The following AKAP19 variants were observed in gnomAD, a reference collection of about 807,000 sequenced individuals.
The protein encoded by AKAP19 is small A-kinase anchoring protein.
chr2:189,912,622 A>G, the AKAP19 span, among the ~76,000 whole-genome samples: 12 of 152,234 alleles, frequency 7.9e-5, no homozygotes, highest in Admixed American at 2.6e-4. Flanking sequence ...ACTTTTGTTT[A>G]TATAAACAAC....
At chr2:190,074,398 A>G in the AKAP19 span, among the ~76,000 whole-genome samples, 1 of 152,180 alleles carries the variant, frequency 6.6e-6, no homozygotes, top group Non-Finnish European at 1.5e-5. Flanking sequence ...CACACCTGTA[A>G]TCCCAGCACT....
chr2:190,044,843 G>T, the AKAP19 span, among the ~76,000 whole-genome samples: 1 of 152,188 alleles, frequency 6.6e-6, no homozygotes, highest in Non-Finnish European at 1.5e-5. Context: ...CTTTGTCCCA[G>T]GGAGGTACAG....
the AKAP19 span, among the ~76,000 whole-genome samples, chr2:189,960,567 C>G: frequency 6.6e-6 from 1 of 152,168 alleles, no homozygotes; most frequent in African/African-American, 2.4e-5. Context: ...AGTGACTCTA[C>G]CCCTTGAAAG....
chr2:190,109,310 T>A, the AKAP19 span, among the ~76,000 whole-genome samples: 42 of 152,328 alleles, frequency 2.8e-4, no homozygotes, highest in East Asian at 7.7e-3. Context: ...AACATTACAA[T>A]GCCTGCAGCC....
At chr2:190,132,931 C>A in the AKAP19 span, among the ~76,000 whole-genome samples, 525 of 152,056 alleles carry the variant, frequency 3.5e-3, 3 homozygotes, top group African/African-American at 0.012. Flanking sequence ...TCAAACAATT[C>A]AATAGCAAGA....
chr2:190,200,249 T>A, the AKAP19 span: 1 of 918,644 alleles, frequency 1.1e-6, no homozygotes, highest in Non-Finnish European at 1.7e-6. Flanking sequence ...TATCTGGATT[T>A]AAAAATGTGT....
chr2:190,119,857 A>G, the AKAP19 span, among the ~76,000 whole-genome samples: 1 of 152,240 alleles, frequency 6.6e-6, no homozygotes, highest in Admixed American at 6.5e-5. Flanking sequence ...GTAATGCTGG[A>G]AATGAAATGC....
the AKAP19 span, among the ~76,000 whole-genome samples, chr2:190,148,479 T>C: frequency 6.6e-6 from 1 of 152,220 alleles, no homozygotes; most frequent in East Asian, 1.9e-4. Context: ...TTTTTGGTTA[T>C]GTCCTTTCCT....
the AKAP19 span, among the ~76,000 whole-genome samples, chr2:190,008,128 A>G: frequency 1.3e-5 from 2 of 152,254 alleles, no homozygotes; most frequent in Non-Finnish European, 2.9e-5. Flanking sequence ...ACTTTTTAAA[A>G]TGTAACTGAA....
At chr2:190,095,880 CAGGT>C in the AKAP19 span, among the ~76,000 whole-genome samples, 1 of 152,046 alleles carries the variant, frequency 6.6e-6, no homozygotes. Context: ...GTCTACAAGA[CAGGT>C]AGGTGAGAAG....
At chr2:190,080,374 G>A in the AKAP19 span, among the ~76,000 whole-genome samples, 1 of 152,222 alleles carries the variant, frequency 6.6e-6, no homozygotes, top group African/African-American at 2.4e-5. Flanking sequence ...ATAGAAGGTG[G>A]TAAGTGCTCT....
the AKAP19 span, among the ~76,000 whole-genome samples, chr2:189,961,539 AT>A: frequency 2.0e-5 from 3 of 152,274 alleles, no homozygotes; most frequent in East Asian, 5.8e-4. Context: ...TAAAACATAT[AT>A]TTTATAGGTC....
chr2:190,111,636 C>T, the AKAP19 span, among the ~76,000 whole-genome samples: 2 of 151,988 alleles, frequency 1.3e-5, no homozygotes, highest in Admixed American at 1.3e-4. Context: ...TAATAAGCCT[C>T]CCTGCCTTAA....
chr2:190,134,353 A>G, the AKAP19 span, among the ~76,000 whole-genome samples: 1 of 152,208 alleles, frequency 6.6e-6, no homozygotes, highest in African/African-American at 2.4e-5. Flanking sequence ...TAGCTTTAAA[A>G]TAAACTATAC....
chr2:190,060,212 G>T, the AKAP19 span: 1 of 1,613,068 alleles, frequency 6.2e-7, no homozygotes, highest in Middle Eastern at 1.7e-4. Context: ...AAATACCAGT[G>T]CCTGGGTTCA....
At chr2:189,993,575 G>C in the AKAP19 span, among the ~76,000 whole-genome samples, 2 of 152,148 alleles carry the variant, frequency 1.3e-5, no homozygotes. Flanking sequence ...CAGTAAGATT[G>C]GTACCAATTC....
the AKAP19 span, among the ~76,000 whole-genome samples, chr2:189,896,390 T>G: frequency 6.6e-6 from 1 of 152,304 alleles, no homozygotes; most frequent in African/African-American, 2.4e-5. Flanking sequence ...GGGGAAAATG[T>G]ACATTTTGTT....
the AKAP19 span, among the ~76,000 whole-genome samples, chr2:190,010,879 A>T: frequency 6.6e-6 from 1 of 152,100 alleles, no homozygotes; most frequent in East Asian, 1.9e-4. Context: ...AATGTTATGT[A>T]CCCTTTGACC....
chr2:190,133,487 G>A, the AKAP19 span, among the ~76,000 whole-genome samples: 21 of 152,246 alleles, frequency 1.4e-4, no homozygotes, highest in South Asian at 2.1e-3. Flanking sequence ...GTAAGTTAGT[G>A]TGAAAAGCAG....
Sources: gnomAD v4.1 joint callset for allele counts (sites outside exome capture counted in the v4.1 genomes callset) on GRCh38, gnomAD v4.1.1 for gene constraint, MANE v1.5 for transcripts, NCBI Gene and HGNC (gene_info 2026-07-23, HGNC 2026-07-21) for gene names.